INPP5B: variants seen among roughly 807,000 people sequenced by gnomAD.
The protein encoded by INPP5B is inositol polyphosphate-5-phosphatase B.
A neutral mutation model predicts 118.5 loss-of-function variants in INPP5B; 90 were observed. That is an observed-to-expected ratio of 0.76 (90% CI 0.64 to 0.90). INPP5B has a LOEUF of 0.90. Ranked by LOEUF, INPP5B falls within the 40% of genes least tolerant of loss-of-function variation. The pLI is 0.00. For synonymous variants in INPP5B, 385 were observed against 418.9 expected (o/e 0.92, Z 0.99); for missense variants, 984 against 1,125.6 (o/e 0.87, Z 1.80).
chr1:37,871,280 A>G (rs1642413089), intron 19 of INPP5B, among the ~76,000 whole-genome samples: 1 of 151,708 alleles, frequency 6.6e-6, no homozygotes, highest in Non-Finnish European at 1.5e-5. Flanking sequence ...CAACATGGCA[A>G]AACCCCGTCT....
At chr1:37,937,470 A>G (rs112190752) in intron 6 of INPP5B, among the ~76,000 whole-genome samples, 1 of 151,960 alleles carries the variant, frequency 6.6e-6, no homozygotes, top group African/African-American at 2.4e-5. Context: ...CATCTCTACT[A>G]AAAATATAAA....
intron 7 of INPP5B, among the ~76,000 whole-genome samples, chr1:37,916,583 A>C (rs925004338): frequency 1.3e-5 from 2 of 148,922 alleles, no homozygotes; most frequent in African/African-American, 2.5e-5. Context: ...CGCCCGGCTA[A>C]TTTTGTATTT....
At position 37,865,958 on chromosome 1, in the gene INPP5B, A is replaced by T. The variant is rs1047923260; in HGVS notation, c.2387-70T>A. The T allele has an allele frequency of 8.2e-6, 13 of 1,590,456 alleles. No individual in the cohort carries two copies. The African/African-American group carries it at 1.6e-4, about 20-fold the overall frequency. ...GTTAGGAAAAGGCCCAGGAGCAAGCACATGCCAGAAGTGCTGCCTGCCCTG... is the reference window on the plus strand; with the variant it reads ...GTTAGGAAAAGGCCCAGGAGCAAGCTCATGCCAGAAGTGCTGCCTGCCCTG... On this transcript the variant is annotated intron_variant, in intron 21 of 23. Coordinates refer to ENST00000373024, the MANE Select transcript of INPP5B (RefSeq NM_005540.3).
intron 19 of INPP5B, among the ~76,000 whole-genome samples, chr1:37,870,217 C>T (rs1410209192): frequency 1.3e-5 from 2 of 152,072 alleles, no homozygotes; most frequent in Non-Finnish European, 1.5e-5. Flanking sequence ...CCCAGGCTCC[C>T]TCCCACCTTG....
chr1:37,937,933 A>G (rs148162902), intron 6 of INPP5B, among the ~76,000 whole-genome samples: 2,134 of 147,064 alleles, frequency 0.015, 19 homozygotes, highest in Admixed American at 0.022. Flanking sequence ...GTGCCATTGC[A>G]CTCCAGCCCA....
rs1642192924 is a variant in INPP5B at position 37,868,530 on chromosome 1, C to A, written c.2272G>T (p.Asp758Tyr). 6.2e-7 allele frequency: 1 copy of A among 1,613,740 alleles called. No homozygotes were observed. The highest frequency in any genetic ancestry group is 1.7e-5 in the Admixed American group (1 of 59,990). ...EIPKELWMMVDYLYRNAVQQE... is the reference protein window; with the variant it reads ...EIPKELWMMVYYLYRNAVQQE... ...TGGACAGCATTTCGGTACAGGTAATCAACCATCATCCAGAGCTCTTTGGGG... is the reference window on the plus strand; with the variant it reads ...TGGACAGCATTTCGGTACAGGTAATAAACCATCATCCAGAGCTCTTTGGGG... The change falls in exon 20 of 24, where the codon GAT becomes TAT. Residue 758 changes from aspartate (D) to tyrosine (Y), a missense_variant. By Grantham distance (160) the Asp-to-Tyr change is radical. This residue lies in a region of INPP5B where 634 missense variants were observed against 791.0 expected (regional missense o/e 0.80). Transcript: ENST00000373024.
At chr1:37,925,335 T>C (rs1485469419) in intron 7 of INPP5B, among the ~76,000 whole-genome samples, 1 of 152,182 alleles carries the variant, frequency 6.6e-6, no homozygotes, top group Admixed American at 6.5e-5. Flanking sequence ...AGAAAGTCTC[T>C]TCTCATTCAT....
chr1:37,941,958 A>AAAAT (rs1427344681), intron 5 of INPP5B: 7 of 30,374 alleles, frequency 2.3e-4, no homozygotes, highest in African/African-American at 9.0e-4. Context: ...AAAAAAAAAA[A>AAAAT]ATATATATAT....
At position 37,945,772 on chromosome 1, in the gene INPP5B, C is replaced by A. The variant is rs56993041; in HGVS notation, c.136G>T (p.Gly46Cys). 4.3e-6 allele frequency: 7 copies of A among 1,613,906 alleles called. No individual in the cohort carries two copies. The South Asian group carries it at 7.7e-5, about 18-fold the overall frequency. The change falls in exon 3 of 24, where the codon GGC becomes TGC. Residue 46 changes from glycine (G) to cysteine (C), a missense_variant. This residue lies in a region of INPP5B where 350 missense variants were observed against 334.6 expected (regional missense o/e 1.05). Transcript: ENST00000373024. ...LGLVRYRLEH[G>C]GQEHALFLYT... is the part of the protein sequence containing the mutation. Reference sequence around the variant, plus strand: ...CTCACTCACGCGTGTTCCTGGCCGCCGTGCTCCAGGCGGTAGCGCACGAGT... The same window carrying A: ...CTCACTCACGCGTGTTCCTGGCCGCAGTGCTCCAGGCGGTAGCGCACGAGT...
chr1:37,869,725 C>T (rs931436166), intron 19 of INPP5B, among the ~76,000 whole-genome samples: 2 of 151,834 alleles, frequency 1.3e-5, no homozygotes, highest in African/African-American at 2.4e-5. Flanking sequence ...TGTGATCCAC[C>T]CGCCTCAGCC....
chr1:37,880,225 T>C, intron 14 of INPP5B, 31 bp from the exon 15 acceptor site: 2 of 1,493,980 alleles, frequency 1.3e-6, no homozygotes, highest in Non-Finnish European at 1.9e-6. Flanking sequence ...AAAAAAAATA[T>C]CAGAATAAAA....
chr1:37,941,886 C>T (rs1275426712), intron 5 of INPP5B, among the ~76,000 whole-genome samples: 2 of 110,210 alleles, frequency 1.8e-5, no homozygotes, highest in Non-Finnish European at 3.8e-5. Flanking sequence ...TGCAGTGAGC[C>T]GAGATCGCGC....
In INPP5B at chr1:37,888,323, A is replaced by G; in HGVS notation, c.819T>C (p.Asn273=). The part of the protein sequence containing the change: ...QNFRFFAGTY[N]VNGQSPKECL... ...ATTCTTTGGGGGACTGCCCATTTAC[A>G]TTGTATGTTCCCGCAAAAAACCTGT... Residue 273 remains asparagine, a synonymous_variant, in exon 10 of 24, where the codon AAT becomes AAC. Coordinates refer to ENST00000373024, the MANE Select transcript of INPP5B (RefSeq NM_005540.3). 6.4e-7 allele frequency: 1 copy of G among 1,558,016 alleles called. No individual in the cohort carries two copies. The highest frequency in any genetic ancestry group is 1.4e-5 in the African/African-American group (1 of 72,278).
intron 14 of INPP5B, among the ~76,000 whole-genome samples, chr1:37,880,423 T>TTGTA (rs1643124734): frequency 6.7e-6 from 1 of 149,732 alleles, no homozygotes; most frequent in South Asian, 2.1e-4. Flanking sequence ...GTTTTTAATG[T>TTGTA]TTTATTTATT....
chr1:37,944,282 C>T lies in INPP5B; in HGVS notation c.153-389G>A, dbSNP rs994633407. 2.6e-5 allele frequency among the ~76,000 whole-genome samples: 4 copies of T among 152,314 alleles called. No individual in the cohort carries two copies. In the East Asian group the frequency reaches 5.8e-4, roughly 22 times the overall value. ...GATCAGAAAATGTCTAAGGCCCCCT[C>T]CCTCCCAGCTCCTAGACCCTGAGTC... On this transcript the variant is annotated intron_variant, in intron 3 of 23. Coordinates refer to ENST00000373024, the MANE Select transcript of INPP5B (RefSeq NM_005540.3).
intron 7 of INPP5B, among the ~76,000 whole-genome samples, chr1:37,912,949 T>TTA (rs1644749133): frequency 1.4e-5 from 2 of 143,564 alleles, no homozygotes; most frequent in Non-Finnish European, 3.0e-5. Context: ...TACTCACTGC[T>TTA]AAAAAAAAAA....
At chr1:37,943,697 T>C (rs558649107) in intron 4 of INPP5B, 28 bp from the exon 5 acceptor site, 1 of 1,613,828 alleles carries the variant, frequency 6.2e-7, no homozygotes, top group African/African-American at 1.3e-5. Flanking sequence ...AGAATGCCCT[T>C]AGCAATTGAG....
At position 37,889,663 on chromosome 1, in the gene INPP5B, C is replaced by A. The variant is rs138538972; in HGVS notation, c.691G>T (p.Asp231Tyr). The change falls in exon 9 of 24, where the codon GAC becomes TAC. Residue 231 changes from aspartate (D) to tyrosine (Y), a missense_variant. Coordinates refer to ENST00000373024, the MANE Select transcript of INPP5B (RefSeq NM_005540.3). ...MVRSSTITVS[D>Y]KAHILSMQKF... ...TGCATGGATAAAATATGAGCCTTGT[C>A]CGACACTGTGATAGTGGAGGAGCGA... 2.7e-5 allele frequency: 43 copies of A among 1,613,900 alleles called. No homozygotes were observed. In the African/African-American group the frequency reaches 4.8e-4, roughly 18 times the overall value.
chr1:37,896,081 C>G (rs1412072087), intron 7 of INPP5B, among the ~76,000 whole-genome samples: 1 of 151,056 alleles, frequency 6.6e-6, no homozygotes, highest in Non-Finnish European at 1.5e-5. Context: ...CGCCTCTTCC[C>G]GGCCGCCATC....
Sources: allele counts gnomAD v4.1 joint callset (sites outside exome capture counted in the v4.1 genomes callset), GRCh38; gene constraint gnomAD v4.1.1; regional missense constraint gnomAD v4.1.1; transcripts MANE v1.5; gene names NCBI Gene and HGNC (gene_info 2026-07-23, HGNC 2026-07-21).